The following BOD1L1 variants were observed in gnomAD, a reference collection of about 807,000 sequenced individuals.
BOD1L1 encodes biorientation of chromosomes in cell division protein 1-like 1.
BOD1L1 carries 86 observed loss-of-function variants against 240.7 expected under a neutral mutation model. The observed-to-expected ratio is 0.36, with a 90% confidence interval of 0.30 to 0.43. BOD1L1 has a LOEUF of 0.43. Ranked by LOEUF, BOD1L1 falls within the 20% of genes least tolerant of loss-of-function variation. The pLI, the probability that BOD1L1 is intolerant of heterozygous loss-of-function variation, is 1.00. For synonymous variants in BOD1L1, 1,268 were observed against 1,272.3 expected, an observed-to-expected ratio of 1.00 and a Z score of 0.07; for missense variants, 3,554 against 3,643.5, an observed-to-expected ratio of 0.98 and a Z score of 0.63.
chr4:13,614,007 ACT>A (rs1424404127), intron 4 of BOD1L1, among the ~76,000 whole-genome samples, 187 bp downstream of exon 4: 3 of 152,212 alleles, frequency 2.0e-5, no homozygotes, highest in African/African-American at 7.2e-5. Flanking sequence ...CTGTTAATTT[ACT>A]CTGTGAACAG....
At chr4:13,627,279 CA>C in intron 1 of BOD1L1, 65 bp downstream of exon 1, 1 of 961,288 alleles carries the variant, frequency 1.0e-6, no homozygotes, top group East Asian at 4.3e-5. Flanking sequence ...GAAGCCACTG[CA>C]AAAGAAGCGC....
Position 13,600,364 on chromosome 4 carries a change from G to C in BOD1L1, c.6536C>G (p.Ala2179Gly). The C allele has an allele frequency of 1.9e-6, 3 of 1,613,990 alleles. No individual in the cohort carries two copies. Among genetic ancestry groups the C allele is most frequent in the Non-Finnish European group, 2.5e-6 (3 of 1,179,894 alleles). ...QPVAAAVEER[A>G]TGPVLISTAD... is the part of the protein sequence containing the mutation. The stretch of plus-strand genomic sequence containing the variant: ...GGTGCTTATCAAGACTGGACCTGTA[G>C]CCCTTTCTTCCACTGCTGCAGCAAC... Residue 2179 changes from alanine (A) to glycine (G), a missense_variant, in exon 10 of 26, where the codon GCT becomes GGT. By Grantham distance (60) the Ala-to-Gly change is moderately conservative. This residue lies in a region of BOD1L1 where 3,393 missense variants were observed against 3,427.1 expected (regional missense o/e 0.99). Coordinates refer to ENST00000040738, the MANE Select transcript of BOD1L1 (RefSeq NM_148894.3).
rs1200954846 is a variant in BOD1L1, at chr4:13,604,205, G to A, written c.2695C>T (p.Arg899Ter). Reference sequence around the variant, plus strand: ...TTCTCTTCTAACAAGCTCTTTGTTCGTCGTTTCTCCTTGTGAACAACCTCT... The same window carrying A: ...TTCTCTTCTAACAAGCTCTTTGTTCATCGTTTCTCCTTGTGAACAACCTCT... ...PEEVVHKEKR[R>*]TKSLLEEKLV... Residue 899 changes from arginine (R) to a stop codon, truncating the protein, a stop_gained, in exon 10 of 26, where the codon CGA (arginine) becomes TGA (stop). Transcript: ENST00000040738. LOFTEE classifies it high-confidence loss of function. 6.2e-7 allele frequency: 1 copy of A among 1,613,374 alleles called. No individual in the cohort carries two copies. The highest frequency in any genetic ancestry group is 1.7e-5 in the Admixed American group (1 of 59,934).
chr4:13,583,289 T>C (rs1713384507), intron 17 of BOD1L1, among the ~76,000 whole-genome samples: 1 of 152,128 alleles, frequency 6.6e-6, no homozygotes, highest in Non-Finnish European at 1.5e-5. Context: ...TAAACAAAAA[T>C]ACATAAAGTA....
chr4:13,597,565 T>C (rs2079821415), intron 10 of BOD1L1, among the ~76,000 whole-genome samples: 1 of 152,254 alleles, frequency 6.6e-6, no homozygotes, highest in Admixed American at 6.5e-5. Context: ...CTTTACTTGC[T>C]TCACACTGAA....
Position 13,586,480 on chromosome 4 carries a change from A to G in BOD1L1, c.8354-5T>C, listed in dbSNP as rs767458529. The G allele has an allele frequency of 1.3e-6, 2 of 1,590,558 alleles. No homozygotes were observed. The highest frequency in any genetic ancestry group is 4.5e-5 in the East Asian group (2 of 44,634). ...CCAGGACATCTGGATTATCATCTGT[A>G]AATCAGTTTAGACAGAATCACAAAG... is the stretch of plus-strand genomic sequence containing the variant. On this transcript the variant is annotated splice_polypyrimidine_tract_variant and splice_region_variant and intron_variant, in intron 16 of 25. Coordinates refer to ENST00000040738, the MANE Select transcript of BOD1L1 (RefSeq NM_148894.3).
rs1369732941 is a variant in BOD1L1 at position 13,603,388 on chromosome 4, G to A, written c.3512C>T (p.Thr1171Ile). The A allele has an allele frequency of 6.2e-7, 1 of 1,613,964 alleles. No individual in the cohort carries two copies. The highest frequency in any genetic ancestry group is 8.5e-7 in the Non-Finnish European group (1 of 1,179,878). Residue 1171 changes from threonine to isoleucine, a missense_variant, in exon 10 of 26, where the codon ACA (threonine) becomes ATA (isoleucine). Transcript: ENST00000040738. Reference sequence around the variant, plus strand: ...TGGAGCTGTTGCTTTTGAATCTGCTGTGCAAGTTCTCAATTCATCCTTTTG... The same window carrying A: ...TGGAGCTGTTGCTTTTGAATCTGCTATGCAAGTTCTCAATTCATCCTTTTG... The part of the protein sequence containing the change: ...TVQKDELRTC[T>I]ADSKATAPAY...
At chr4:13,620,538 G>A (rs2045119503) in intron 1 of BOD1L1, among the ~76,000 whole-genome samples, 1 of 152,146 alleles carries the variant, frequency 6.6e-6, no homozygotes, top group African/African-American at 2.4e-5. Flanking sequence ...GGTCCAATTT[G>A]GCTATAGAAG....
At chr4:13,579,539 T>C (rs1208035359) in intron 22 of BOD1L1, among the ~76,000 whole-genome samples, 1 of 152,202 alleles carries the variant, frequency 6.6e-6, no homozygotes, top group East Asian at 1.9e-4. Context: ...AGCTCACTAA[T>C]GGCACCTCTT....
At position 13,600,731 on chromosome 4, in the gene BOD1L1, T is replaced by G; in HGVS notation, c.6169A>C (p.Asn2057His). Residue 2057 changes from asparagine (N) to histidine (H), a missense_variant, in exon 10 of 26, where the codon AAC (asparagine) becomes CAC (histidine). Transcript: ENST00000040738. ...MATTASGDITNQNSLAGGKNQ... is the reference protein window; with the variant it reads ...MATTASGDITHQNSLAGGKNQ... ...TTACCCCCTGCTAAGCTATTCTGGTTGGTAATATCACCACTGGCTGTAGTT... is the reference window on the plus strand; with the variant it reads ...TTACCCCCTGCTAAGCTATTCTGGTGGGTAATATCACCACTGGCTGTAGTT... 6.2e-7 allele frequency: 1 copy of G among 1,614,014 alleles called. No individual in the cohort carries two copies. Among genetic ancestry groups the G allele is most frequent in the East Asian group, 2.2e-5 (1 of 44,882 alleles).
At chr4:13,605,470 T>C (rs1307371051) in intron 9 of BOD1L1, among the ~76,000 whole-genome samples, 1 of 152,216 alleles carries the variant, frequency 6.6e-6, no homozygotes, top group Non-Finnish European at 1.5e-5. Flanking sequence ...TTCTATAACT[T>C]GACACTCAGA....
At chr4:13,583,067 T>C (rs1316939444) in intron 17 of BOD1L1, among the ~76,000 whole-genome samples, 1 of 152,178 alleles carries the variant, frequency 6.6e-6, no homozygotes, top group East Asian at 1.9e-4. Flanking sequence ...AATGGACAGA[T>C]ACTGGCAACA....
At chr4:13,572,601 T>G in intron 25 of BOD1L1, 1 of 1,105,084 alleles carries the variant, frequency 9.0e-7, no homozygotes, top group South Asian at 1.5e-5. Context: ...AACAGTTATT[T>G]GGTGAGACAA....
intron 14 of BOD1L1, among the ~76,000 whole-genome samples, chr4:13,589,820 A>G (rs944618986): frequency 6.6e-6 from 1 of 152,240 alleles, no homozygotes; most frequent in Non-Finnish European, 1.5e-5. Context: ...TATACATTAT[A>G]AAAATAACTG....
chr4:13,589,443 C>A (rs1266854028), intron 14 of BOD1L1, among the ~76,000 whole-genome samples: 1 of 152,136 alleles, frequency 6.6e-6, no homozygotes, highest in African/African-American at 2.4e-5. Flanking sequence ...GTGGTATATT[C>A]AAAAGCAATT....
At chr4:13,615,524 G>A in intron 2 of BOD1L1, 22 bp from the exon 3 acceptor site, 5 of 1,552,832 alleles carry the variant, frequency 3.2e-6, no homozygotes, top group East Asian at 2.3e-5. Context: ...GATAATTTAT[G>A]GAAAGGTGAA....
chr4:13,583,049 AAAGG>A (rs1177589183), intron 17 of BOD1L1, among the ~76,000 whole-genome samples: 1 of 152,210 alleles, frequency 6.6e-6, no homozygotes, highest in African/African-American at 2.4e-5. Context: ...GACAAACTCC[AAAGG>A]AAGAATGGAC....
chr4:13,612,568 T>G (rs535136194), intron 5 of BOD1L1, among the ~76,000 whole-genome samples: 3 of 152,154 alleles, frequency 2.0e-5, no homozygotes, highest in African/African-American at 7.2e-5. Context: ...GCACAGTGCC[T>G]GGAAGACAGG....
At chr4:13,611,473 A>G (rs932048944) in intron 5 of BOD1L1, among the ~76,000 whole-genome samples, 3 of 152,228 alleles carry the variant, frequency 2.0e-5, no homozygotes, top group Admixed American at 1.3e-4. Flanking sequence ...CAGGCTGAAC[A>G]CAAAAGCAGA....
Sources: allele counts gnomAD v4.1 joint callset (sites outside exome capture counted in the v4.1 genomes callset), GRCh38; gene constraint gnomAD v4.1.1; regional missense constraint gnomAD v4.1.1; transcripts MANE v1.5; gene names NCBI Gene and HGNC (gene_info 2026-07-23, HGNC 2026-07-21).